PCOLCE2: variants seen among roughly 807,000 people sequenced by gnomAD.
The protein encoded by PCOLCE2 is procollagen C-endopeptidase enhancer 2.
Under a neutral mutation model 47.0 loss-of-function variants are expected in PCOLCE2, and 42 were observed. The observed-to-expected ratio is 0.89, with a 90% CI of 0.70 to 1.16. The LOEUF (loss-of-function observed/expected upper bound fraction) is 1.16, where lower values mean the gene tolerates loss of function less well. Among genes scored for constraint, PCOLCE2 ranks in the 50% most tolerant of loss-of-function variants. The pLI is 0.00. For synonymous variants in PCOLCE2, 169 were observed against 191.7 expected (o/e 0.88, Z 0.98); for missense variants, 500 against 526.1 (o/e 0.95, Z 0.49).
At chr3:142,823,425 G>T in intron 7 of PCOLCE2, 107 bp downstream of exon 7, 3 of 665,250 alleles carry the variant, frequency 4.5e-6, no homozygotes, top group Non-Finnish European at 8.1e-6. Context: ...GGATAAATGA[G>T]CAGCGTTATT....
At chr3:142,851,023 A>T (rs567178902) in intron 2 of PCOLCE2, among the ~76,000 whole-genome samples, 2 of 152,220 alleles carry the variant, frequency 1.3e-5, no homozygotes, top group Non-Finnish European at 2.9e-5. Context: ...GAGCAGGGAC[A>T]GTTTTGCCCA....
chr3:142,831,677 AC>A (rs748399198), intron 5 of PCOLCE2, among the ~76,000 whole-genome samples: 4 of 152,204 alleles, frequency 2.6e-5, no homozygotes, highest in Non-Finnish European at 4.4e-5. Flanking sequence ...TACAAATAAA[AC>A]ATGTTAATTT....
intron 2 of PCOLCE2, among the ~76,000 whole-genome samples, chr3:142,880,420 C>T (rs1210072766): frequency 6.6e-6 from 1 of 152,078 alleles, no homozygotes; most frequent in South Asian, 2.1e-4. Flanking sequence ...CTTGCCATAC[C>T]CTTAGGTATA....
intron 3 of PCOLCE2, among the ~76,000 whole-genome samples, chr3:142,845,573 G>A (rs930328195): frequency 1.3e-5 from 2 of 152,112 alleles, no homozygotes; most frequent in African/African-American, 4.8e-5. Flanking sequence ...GTATAAAAAT[G>A]CCTTTCAGAG....
chr3:142,823,527 C>G lies in PCOLCE2; in HGVS notation c.949+5G>C, dbSNP rs762662333. On this transcript the variant is annotated splice_donor_5th_base_variant and intron_variant, in intron 7 of 8. Transcript: ENST00000295992. ...AAGAGAAAAAGACTGGCTTTTATTT[C>G]TTACCAAAGTCACTTGAACAATAAT... is the stretch of plus-strand genomic sequence containing the variant. 6.4e-7 allele frequency: 1 copy of G among 1,573,028 alleles called. No homozygotes were observed. Among genetic ancestry groups the G allele is most frequent in the East Asian group, 2.2e-5 (1 of 44,676 alleles).
At position 142,863,870 on chromosome 3, in the gene PCOLCE2, G is replaced by C. The variant is rs190819653; in HGVS notation, c.193-15398C>G. ...AAACAAAACAAAAGTGGATAAACTA[G>C]CATGCTATTTAAGAAAAACCTCATG... is the stretch of plus-strand genomic sequence containing the variant. On this transcript the variant is annotated intron_variant, in intron 2 of 8. Transcript: ENST00000295992. The C allele has an allele frequency of 9.9e-5, 15 of 152,244 alleles. No individual in the cohort carries two copies. The East Asian group carries it at 2.3e-3, about 23-fold the overall frequency. The allele number at this position is 152,244 out of a possible 1,614,324, so 9.4% of individuals were successfully genotyped here.
chr3:142,849,963 G>A (rs1032003934), intron 2 of PCOLCE2, among the ~76,000 whole-genome samples: 3 of 152,128 alleles, frequency 2.0e-5, no homozygotes, highest in Admixed American at 6.6e-5. Flanking sequence ...ACACTTCATC[G>A]TAGAAATTAT....
intron 5 of PCOLCE2, among the ~76,000 whole-genome samples, chr3:142,833,083 C>T (rs1937168331): frequency 6.6e-6 from 1 of 152,160 alleles, no homozygotes; most frequent in Non-Finnish European, 1.5e-5. Context: ...TTGTTTTTAG[C>T]TATAGGTTTA....
Position 142,848,403 on chromosome 3 carries a change from A to G in PCOLCE2, c.262T>C (p.Tyr88His), listed in dbSNP as rs537602842. The G allele has an allele frequency of 4.3e-5, 70 of 1,613,940 alleles. 1 individual carries two copies. In the Middle Eastern group the frequency reaches 8.2e-4, roughly 19 times the overall value. ...IDLESDNLCR[Y>H]DFVDVYNGHA... ...CCATTGTACACATCCACAAAGTCAT[A>G]GCGGCACAGGTTGTCACTCTCGAGG... Residue 88 changes from tyrosine to histidine, a missense_variant, in exon 3 of 9, where the codon TAT becomes CAT. Coordinates refer to ENST00000295992, the MANE Select transcript of PCOLCE2 (RefSeq NM_013363.4).
rs114528722 is a variant in PCOLCE2 at position 142,844,205 on chromosome 3, A to G, written c.449-1157T>C. Reference sequence around the variant, plus strand: ...GATGATATAGAATCCATTTCCCACTAAATTTGTGCATCTCTTCCCATCCTG... The same window carrying G: ...GATGATATAGAATCCATTTCCCACTGAATTTGTGCATCTCTTCCCATCCTG... On this transcript the variant is annotated intron_variant, in intron 3 of 8. Transcript: ENST00000295992. 4.0e-3 allele frequency among the ~76,000 whole-genome samples: 604 copies of G among 152,264 alleles called. 6 individuals carry two copies. Among genetic ancestry groups the G allele is most frequent in the African/African-American group, 0.014 (587 of 41,556 alleles).
chr3:142,829,247 TA>T (rs1296047848), intron 6 of PCOLCE2, among the ~76,000 whole-genome samples: 3 of 149,660 alleles, frequency 2.0e-5, no homozygotes, highest in Non-Finnish European at 4.5e-5. Context: ...AATAAATAAA[TA>T]AATAACATTT....
intron 2 of PCOLCE2, among the ~76,000 whole-genome samples, chr3:142,884,724 T>C (rs1933688377): frequency 6.6e-6 from 1 of 152,240 alleles, no homozygotes; most frequent in Admixed American, 6.5e-5. Context: ...GCAGCTTCCC[T>C]ATTTGCAAAG....
rs931692154 is a variant in PCOLCE2, at chr3:142,848,347, G to A, written c.318C>T (p.Phe106=). ...GGGCTCCAGGCCGGAAAGTGCCACA[G>A]AAGCGGCCAATGCGCTGGCCATTGG... ...GHANGQRIGR[F]CGTFRPGALV... The change falls in exon 3 of 9, where the codon TTC becomes TTT. Residue 106 remains phenylalanine, a synonymous_variant. Coordinates refer to ENST00000295992, the MANE Select transcript of PCOLCE2 (RefSeq NM_013363.4). 2 of 1,614,226 alleles carry A rather than the reference G, an allele frequency of 1.2e-6. No homozygotes were observed. Among genetic ancestry groups the A allele is most frequent in the African/African-American group, 2.7e-5 (2 of 75,070 alleles).
At chr3:142,851,448 A>G (rs1176038742) in intron 2 of PCOLCE2, among the ~76,000 whole-genome samples, 2 of 152,112 alleles carry the variant, frequency 1.3e-5, no homozygotes, top group South Asian at 2.1e-4. Flanking sequence ...GAAGGACAAG[A>G]GAGTTGAAGA....
chr3:142,821,703 T>C (rs1334663033), intron 7 of PCOLCE2, among the ~76,000 whole-genome samples: 1 of 150,306 alleles, frequency 6.7e-6, no homozygotes, highest in African/African-American at 2.4e-5. Context: ...CTTTTTTTTT[T>C]CTTAAAAAAA....
chr3:142,821,834 G>C (rs1160402094), intron 7 of PCOLCE2, among the ~76,000 whole-genome samples: 1 of 151,828 alleles, frequency 6.6e-6, no homozygotes, highest in African/African-American at 2.4e-5. Flanking sequence ...TCTTTCTCAC[G>C]GGGGTGCGCC....
chr3:142,845,564 T>C (rs1463814746), intron 3 of PCOLCE2, among the ~76,000 whole-genome samples: 1 of 152,272 alleles, frequency 6.6e-6, no homozygotes, highest in Non-Finnish European at 1.5e-5. Flanking sequence ...CCAGTGTAAG[T>C]ATAAAAATGC....
At chr3:142,823,349 C>T (rs540770335) in intron 7 of PCOLCE2, among the ~76,000 whole-genome samples, 183 bp downstream of exon 7, 1 of 152,068 alleles carries the variant, frequency 6.6e-6, no homozygotes, top group Admixed American at 6.5e-5. Context: ...TTTTCTAAAT[C>T]CATATTTTTC....
chr3:142,868,256 T>C (rs943539522), intron 2 of PCOLCE2, among the ~76,000 whole-genome samples: 7 of 152,124 alleles, frequency 4.6e-5, no homozygotes, highest in Non-Finnish European at 8.8e-5. Flanking sequence ...GACCACTTAA[T>C]AGTAATATAC....
Sources: allele counts gnomAD v4.1 joint callset (sites outside exome capture counted in the v4.1 genomes callset), GRCh38; gene constraint gnomAD v4.1.1; transcripts MANE v1.5; gene names NCBI Gene and HGNC (gene_info 2026-07-23, HGNC 2026-07-21).